TAFA1: variants seen among roughly 807,000 people sequenced by gnomAD.
TAFA1 encodes the protein TAFA chemokine like family member 1.
A neutral mutation model predicts 18.5 loss-of-function variants in TAFA1; 4 were observed. That is an observed-to-expected ratio of 0.22 (90% CI 0.11 to 0.49). TAFA1 has a LOEUF of 0.49. TAFA1 is among the 20% of genes least tolerant of loss of function. The pLI is 0.98. For missense variants in TAFA1, 147 were observed against 169.0 expected, an observed-to-expected ratio of 0.87 and a Z score of 0.72; for synonymous variants, 56 against 55.2, an observed-to-expected ratio of 1.01 and a Z score of -0.06.
chr3:68,456,255 C>A (rs1277442103), intron 3 of TAFA1, among the ~76,000 whole-genome samples: 1 of 152,122 alleles, frequency 6.6e-6, no homozygotes. Context: ...TAAGGGCAAT[C>A]TTGATAAAAA....
At chr3:68,372,589 C>T (rs1306399339) in intron 2 of TAFA1, among the ~76,000 whole-genome samples, 2 of 152,102 alleles carry the variant, frequency 1.3e-5, no homozygotes, top group Non-Finnish European at 2.9e-5. Context: ...TAGCATGCAA[C>T]CAGCAGGTGA....
At chr3:68,450,952 T>G (rs2071558690) in intron 3 of TAFA1, among the ~76,000 whole-genome samples, 1 of 152,188 alleles carries the variant, frequency 6.6e-6, no homozygotes, top group African/African-American at 2.4e-5. Context: ...CATTTTACAA[T>G]GAGGAAACTG....
chr3:68,241,332 T>C (rs990465709), intron 2 of TAFA1, among the ~76,000 whole-genome samples: 3 of 152,292 alleles, frequency 2.0e-5, no homozygotes, highest in East Asian at 3.9e-4. Flanking sequence ...TGTTCTGTAA[T>C]ACTTTTCCAG....
chr3:68,319,280 G>A (rs1559615358), intron 2 of TAFA1, among the ~76,000 whole-genome samples: 1 of 152,204 alleles, frequency 6.6e-6, no homozygotes, highest in Non-Finnish European at 1.5e-5. Context: ...GATAATGTGA[G>A]TGAGAAATAC....
At chr3:68,338,861 A>G (rs886865956) in intron 2 of TAFA1, among the ~76,000 whole-genome samples, 1 of 152,148 alleles carries the variant, frequency 6.6e-6, no homozygotes, top group Non-Finnish European at 1.5e-5. Flanking sequence ...AGTTGTCTGG[A>G]GCTTGATCTA....
chr3:68,087,426 CA>C (rs1299574605), intron 2 of TAFA1, among the ~76,000 whole-genome samples: 1 of 152,016 alleles, frequency 6.6e-6, no homozygotes, highest in African/African-American at 2.4e-5. Flanking sequence ...TTTATTAACA[CA>C]AAAATATATA....
Position 68,006,759 on chromosome 3 carries a change from G to C in TAFA1, c.118+15G>C, listed in dbSNP as rs768055657. The C allele has an allele frequency of 6.4e-7, 1 of 1,551,154 alleles. No individual in the cohort carries two copies. The highest frequency in any genetic ancestry group is 8.9e-7 in the Non-Finnish European group (1 of 1,122,616). ...GCACAGACCAGGTAAGTCAGGAGCT[G>C]GCTCCACTGCAGCCTCCTCCAGTCT... On this transcript the variant is annotated intron_variant, in intron 2 of 4. Transcript: ENST00000478136.
rs74892560 is a variant in TAFA1, at chr3:68,447,537, T to G, written c.259+30117T>G. On this transcript the variant is annotated intron_variant, in intron 3 of 4. Transcript: ENST00000478136. ...TGTTCCAGAACCATTGCTCCAAAACTCTCCAGTTTCTGATCTGATCATTAA... is the reference window on the plus strand; with the variant it reads ...TGTTCCAGAACCATTGCTCCAAAACGCTCCAGTTTCTGATCTGATCATTAA... Among the ~76,000 whole-genome samples, 327 of 152,302 alleles carry G rather than the reference T, an allele frequency of 2.1e-3. 4 individuals carry two copies. The highest frequency in any genetic ancestry group is 7.5e-3 in the African/African-American group (311 of 41,582).
chr3:68,474,293 C>T (rs1575900569), intron 3 of TAFA1, among the ~76,000 whole-genome samples: 1 of 152,246 alleles, frequency 6.6e-6, no homozygotes, highest in South Asian at 2.1e-4. Flanking sequence ...CAGGCTTCTT[C>T]ATTTCTCTAA....
intron 2 of TAFA1, among the ~76,000 whole-genome samples, chr3:68,225,062 C>T (rs952043095): frequency 8.6e-5 from 13 of 151,716 alleles, no homozygotes; most frequent in African/African-American, 3.2e-4. Flanking sequence ...GTGCACACCA[C>T]CAGGCATGGC....
rs539183967 is a variant in TAFA1, at chr3:68,068,653, T to A, written c.118+61909T>A. 2.5e-3 allele frequency among the ~76,000 whole-genome samples: 380 copies of A among 152,318 alleles called. 2 individuals are homozygous for A. Among genetic ancestry groups the A allele is most frequent in the Non-Finnish European group, 3.5e-3 (240 of 68,016 alleles). ...GAACTGGAAAGCACAAACTTCTTAT[T>A]TCCTTCAAAATTATTCTTTGCCTGA... On this transcript the variant is annotated intron_variant, in intron 2 of 4. Transcript: ENST00000478136.
intron 2 of TAFA1, among the ~76,000 whole-genome samples, chr3:68,104,937 A>G (rs970498551): frequency 6.6e-6 from 1 of 152,120 alleles, no homozygotes; most frequent in African/African-American, 2.4e-5. Flanking sequence ...GTTTATTTTG[A>G]GTCACGGTTC....
At chr3:68,496,391 T>G (rs1217786461) in intron 3 of TAFA1, among the ~76,000 whole-genome samples, 1 of 152,186 alleles carries the variant, frequency 6.6e-6, no homozygotes, top group Non-Finnish European at 1.5e-5. Flanking sequence ...CTTCCTTTAG[T>G]ATCTTGCAAT....
intron 2 of TAFA1, among the ~76,000 whole-genome samples, chr3:68,060,489 A>T (rs1400353800): frequency 6.6e-6 from 1 of 152,210 alleles, no homozygotes; most frequent in African/African-American, 2.4e-5. Flanking sequence ...TGACGGAGTG[A>T]AACTAGGCCG....
intron 2 of TAFA1, among the ~76,000 whole-genome samples, chr3:68,233,914 A>T (rs1370306215): frequency 1.3e-5 from 2 of 152,220 alleles, no homozygotes; most frequent in East Asian, 3.9e-4. Flanking sequence ...ATAAATTCCC[A>T]TTTTACTGAC....
At chr3:68,529,738 TA>T (rs1296836825) in intron 3 of TAFA1, among the ~76,000 whole-genome samples, 1 of 152,062 alleles carries the variant, frequency 6.6e-6, no homozygotes, top group Admixed American at 6.6e-5. Context: ...CAGGCTCCTT[TA>T]AACAACCAGC....
chr3:68,476,911 A>T (rs1470924549), intron 3 of TAFA1, among the ~76,000 whole-genome samples: 1 of 152,188 alleles, frequency 6.6e-6, no homozygotes, highest in South Asian at 2.1e-4. Flanking sequence ...ATCAATGTAT[A>T]ACATAAATAT....
intron 2 of TAFA1, among the ~76,000 whole-genome samples, chr3:68,032,474 GAAGA>G (rs1428493469): frequency 2.6e-5 from 4 of 152,102 alleles, no homozygotes; most frequent in Non-Finnish European, 5.9e-5. Context: ...AAAAATTTTA[GAAGA>G]AAGTAAGACT....
chr3:68,208,436 C>T (rs1426421256), intron 2 of TAFA1, among the ~76,000 whole-genome samples: 1 of 151,884 alleles, frequency 6.6e-6, no homozygotes. Context: ...ATGTAGGGTC[C>T]CACCAGATTT....
Sources: gnomAD v4.1 joint callset for allele counts (sites outside exome capture counted in the v4.1 genomes callset) on GRCh38, gnomAD v4.1.1 for gene constraint, MANE v1.5 for transcripts, NCBI Gene and HGNC (gene_info 2026-07-23, HGNC 2026-07-21) for gene names.